SCAF1: variants seen among roughly 807,000 people sequenced by gnomAD.
SCAF1 encodes SR-related CTD associated factor 1, also known as splicing factor, arginine/serine-rich 19.
In SCAF1, 28 loss-of-function variants were observed where a neutral mutation model predicts 91.2. The ratio of observed to expected loss-of-function variants is 0.31; its 90% confidence interval spans 0.23 to 0.42. SCAF1 has a LOEUF of 0.42. SCAF1 is among the 10% of genes least tolerant of loss of function. SCAF1 has a pLI of 1.00. For missense variants in SCAF1, 1,893 were observed against 1,872.1 expected (o/e 1.01, Z -0.21); for synonymous variants, 1,036 against 833.7 (o/e 1.24, Z -4.18).
chr19:49,644,599 T>C (rs2081044001), intron 1 of SCAF1, among the ~76,000 whole-genome samples: 1 of 152,206 alleles, frequency 6.6e-6, no homozygotes, highest in African/African-American at 2.4e-5. Flanking sequence ...GGTGGGTTTA[T>C]AGGACTGTGG....
chr19:49,658,458 C>T lies in SCAF1; in HGVS notation c.*59C>T, dbSNP rs1037897465. The T allele has an allele frequency of 3.6e-6, 3 of 843,694 alleles. No homozygotes were observed. The highest frequency in any genetic ancestry group is 3.4e-5 in the African/African-American group (2 of 58,368). 52.3% of individuals were successfully genotyped at this position (843,694 alleles called of 1,614,324 possible). A position where few individuals can be genotyped will look rare whatever the true frequency, so the allele number is the denominator to read the frequency against. On this transcript the variant is annotated 3_prime_UTR_variant, in exon 11 of 11. Coordinates refer to ENST00000360565, the MANE Select transcript of SCAF1 (RefSeq NM_021228.3). ...TGAAACTCTGGACGTATTTATGGCT[C>T]CACCTCCCCACCTCCCTCCCCCGTC...
At chr19:49,656,767 G>A (rs1237932535) in intron 9 of SCAF1, among the ~76,000 whole-genome samples, 1 of 152,142 alleles carries the variant, frequency 6.6e-6, no homozygotes, top group East Asian at 1.9e-4. Flanking sequence ...CAGCTCCCCT[G>A]GATTGAGTCT....
In SCAF1 at chr19:49,651,509, G is replaced by A. The variant is rs957126523; in HGVS notation, c.1120G>A (p.Ala374Thr). 1.9e-6 allele frequency: 3 copies of A among 1,572,908 alleles called. No individual in the cohort carries two copies. The highest frequency in any genetic ancestry group is 2.7e-5 in the African/African-American group (2 of 74,108). ...CAAGGTCTCGGTGGAGGTGGTGACC[G>A]CTGGTGGAGCCGCCCTCCCGCCGCC... ...EGKVSVEVVT[A>T]GGAALPPPLL... Residue 374 changes from alanine (A) to threonine (T), a missense_variant, in exon 7 of 11, where the codon GCT becomes ACT. Ala to Thr is a moderately conservative substitution (Grantham distance 58). Coordinates refer to ENST00000360565, the MANE Select transcript of SCAF1 (RefSeq NM_021228.3).
At chr19:49,648,294 T>C (rs1464216340) in intron 6 of SCAF1, among the ~76,000 whole-genome samples, 1 of 152,012 alleles carries the variant, frequency 6.6e-6, no homozygotes, top group Non-Finnish European at 1.5e-5. Flanking sequence ...GTATTTTTAG[T>C]AGAGGTAGGG....
Position 49,653,261 on chromosome 19 carries a change from G to C in SCAF1, c.2872G>C (p.Gly958Arg). Reference protein sequence around the residue: ...DSCSQAAGTKGAEETSWSGEE... With the variant: ...DSCSQAAGTKRAEETSWSGEE... ...CTGCAGCCAGGCGGCAGGCACCAAG[G>C]GGGCGGAGGAGACTTCCTGGTCCGG... The change falls in exon 7 of 11, where the codon GGG (glycine) becomes CGG (arginine). Residue 958 changes from glycine to arginine, a missense_variant. By Grantham distance (125) the Gly-to-Arg change is moderately radical. This residue lies in a region of SCAF1 where 1,436 missense variants were observed against 1,306.8 expected (regional missense o/e 1.10). Transcript: ENST00000360565. 2.7e-6 allele frequency: 4 copies of C among 1,482,630 alleles called. No homozygotes were observed. Among genetic ancestry groups the C allele is most frequent in the Non-Finnish European group, 3.6e-6 (4 of 1,114,838 alleles). 91.8% of individuals were successfully genotyped at this position (1,482,630 alleles called of 1,614,324 possible).
intron 6 of SCAF1, among the ~76,000 whole-genome samples, chr19:49,648,887 C>T (rs982491552): frequency 2.0e-5 from 3 of 150,474 alleles, no homozygotes; most frequent in Middle Eastern, 3.2e-3. Context: ...AGGAGAATTG[C>T]TTGAACCAGG....
Position 49,658,599 on chromosome 19 carries a change from T to C in SCAF1, c.*200T>C. 1.7e-6 allele frequency: 1 copy of C among 598,672 alleles called. No individual in the cohort carries two copies. The highest frequency in any genetic ancestry group is 3.0e-6 in the Non-Finnish European group (1 of 337,792). The allele number at this position is 598,672 out of a possible 1,614,324, so 37.1% of individuals were successfully genotyped here. ...GTCCCCAGTGCCCCTCCCTTCTGTT[T>C]GTGCCCCTCTCCCCAATTTCATTAA... On this transcript the variant is annotated 3_prime_UTR_variant, in exon 11 of 11. Coordinates refer to ENST00000360565, the MANE Select transcript of SCAF1 (RefSeq NM_021228.3).
Position 49,653,137 on chromosome 19 carries a change from A to G in SCAF1, c.2748A>G (p.Gly916=), listed in dbSNP as rs759520276. The G allele has an allele frequency of 6.2e-5, 100 of 1,610,126 alleles. No individual in the cohort carries two copies. Among genetic ancestry groups the G allele is most frequent in the Non-Finnish European group, 7.8e-5 (92 of 1,178,372 alleles). Residue 916 remains glycine, a synonymous_variant, in exon 7 of 11, where the codon GGA becomes GGG. Transcript: ENST00000360565. ...AGAKKTKGTK[G]KTKPSKTRKK... ...CCAAGAAAACCAAGGGGACCAAGGG[A>G]AAGACCAAGCCATCCAAGACCAGGA...
Position 49,651,623 on chromosome 19 carries a change from C to T in SCAF1, c.1234C>T (p.Pro412Ser). ...CAGGCTGGCGCTGTCCCTCTTCCGC[C>T]CCGGCGGCCGGGCCGCCCGGCCTAC... The part of the protein sequence containing the change: ...EPRLALSLFR[P>S]GGRAARPTPA... The change falls in exon 7 of 11, where the codon CCC (proline) becomes TCC (serine). Residue 412 changes from proline to serine, a missense_variant. This residue lies in a region of SCAF1 where 1,436 missense variants were observed against 1,306.8 expected (regional missense o/e 1.10). Coordinates refer to ENST00000360565, the MANE Select transcript of SCAF1 (RefSeq NM_021228.3). 1 of 1,460,994 alleles carries T rather than the reference C, an allele frequency of 6.8e-7. No individual in the cohort carries two copies. 90.5% of individuals were successfully genotyped at this position (1,460,994 alleles called of 1,614,324 possible). A position where few individuals can be genotyped will look rare whatever the true frequency, so the allele number is the denominator to read the frequency against.
chr19:49,651,887 T>C lies in SCAF1; in HGVS notation c.1498T>C (p.Ser500Pro), dbSNP rs959498539. ...RRERYRQRSP[S>P]PAPAPAPAAA... is the part of the protein sequence containing the mutation. ...GGAGCGCTACCGCCAGCGCTCGCCC[T>C]CCCCGGCGCCCGCGCCCGCCCCGGC... The change falls in exon 7 of 11, where the codon TCC becomes CCC. Residue 500 changes from serine (S) to proline (P), a missense_variant. Ser to Pro is a moderately conservative substitution (Grantham distance 74). Coordinates refer to ENST00000360565, the MANE Select transcript of SCAF1 (RefSeq NM_021228.3). The C allele has an allele frequency of 3.4e-6, 4 of 1,190,258 alleles. No homozygotes were observed. The highest frequency in any genetic ancestry group is 5.0e-5 in the East Asian group (1 of 20,104). 73.7% of individuals were successfully genotyped at this position (1,190,258 alleles called of 1,614,324 possible).
At chr19:49,643,591 G>A (rs2081038961) in intron 1 of SCAF1, among the ~76,000 whole-genome samples, 1 of 152,166 alleles carries the variant, frequency 6.6e-6, no homozygotes, top group Non-Finnish European at 1.5e-5. Context: ...GCGAAGCCTG[G>A]TGCTTTCTAA....
rs981254011 is a variant in SCAF1 at position 49,653,266 on chromosome 19, G to A, written c.2877G>A (p.Ala959=). The A allele has an allele frequency of 1.6e-5, 24 of 1,481,790 alleles. No individual in the cohort carries two copies. The highest frequency in any genetic ancestry group is 2.0e-5 in the Non-Finnish European group (22 of 1,114,614). The allele number at this position is 1,481,790 out of a possible 1,614,324, so 91.8% of individuals were successfully genotyped here. Residue 959 remains alanine (A), a synonymous_variant, in exon 7 of 11, where the codon GCG becomes GCA. Transcript: ENST00000360565. ...GCCAGGCGGCAGGCACCAAGGGGGC[G>A]GAGGAGACTTCCTGGTCCGGGGAGG... is the stretch of plus-strand genomic sequence containing the variant. ...SCSQAAGTKG[A]EETSWSGEER...
Position 49,645,004 on chromosome 19 carries a change from C to A in SCAF1, c.-6-17C>A, listed in dbSNP as rs73060070. The A allele has an allele frequency of 0.12, 190,409 of 1,590,234 alleles. 12,368 individuals carry two copies. The highest frequency in any genetic ancestry group is 0.19 in the Middle Eastern group (1,114 of 6,012). On this transcript the variant is annotated splice_polypyrimidine_tract_variant and intron_variant, in intron 1 of 10. Transcript: ENST00000360565. This position sits in a 1 kb window ranked among gnomAD's most constrained non-coding sequence, Gnocchi z 4.6. ...TCCCGGGACCTCCACTCCAAACTCT[C>A]CCCCCTGGACCCCCAGGTGACCATG...
chr19:49,657,568 C>T lies in SCAF1; in HGVS notation c.3619-193C>T, dbSNP rs923675673. Among the ~76,000 whole-genome samples, 9 of 152,308 alleles carry T rather than the reference C, an allele frequency of 5.9e-5. No individual in the cohort carries two copies. The East Asian group carries it at 1.7e-3, about 29-fold the overall frequency. Reference sequence around the variant, plus strand: ...GGAGATGTTCAGTGACATGCAGAGGCCCAGGCCTGGCCTTTGGTCCCGGGC... The same window carrying T: ...GGAGATGTTCAGTGACATGCAGAGGTCCAGGCCTGGCCTTTGGTCCCGGGC... On this transcript the variant is annotated intron_variant, in intron 9 of 10. Transcript: ENST00000360565.
Position 49,652,910 on chromosome 19 carries a change from A to T in SCAF1, c.2521A>T (p.Ile841Phe), listed in dbSNP as rs371263226. 2.7e-4 allele frequency: 438 copies of T among 1,613,756 alleles called. 1 individual carries two copies. The highest frequency in any genetic ancestry group is 3.4e-4 in the Non-Finnish European group (407 of 1,179,984). ...VKLQSKVAVL[I>F]REGVSSTTPA... ...GCTGCAGTCCAAGGTGGCGGTGCTG[A>T]TCCGCGAGGGTGTCAGCAGCACCAC... The change falls in exon 7 of 11, where the codon ATC becomes TTC. Residue 841 changes from isoleucine (I) to phenylalanine (F), a missense_variant. Around this residue, in one of 5 missense-constraint regions of SCAF1, gnomAD observed 1,436 missense variants for 1,306.8 expected, o/e 1.10. Transcript: ENST00000360565.
In SCAF1 at chr19:49,646,510, C is replaced by T. The variant is rs934589165; in HGVS notation, c.262-16C>T. 1 of 1,611,356 alleles carries T rather than the reference C, an allele frequency of 6.2e-7. No homozygotes were observed. The highest frequency in any genetic ancestry group is 1.3e-5 in the African/African-American group (1 of 74,866). On this transcript the variant is annotated splice_polypyrimidine_tract_variant and intron_variant, in intron 4 of 10. Transcript: ENST00000360565. This position sits in a 1 kb window ranked among gnomAD's most constrained non-coding sequence, Gnocchi z 5.6. The stretch of plus-strand genomic sequence containing the variant: ...TGTGACCAGGGACGGCGTAGAGCCT[C>T]TCTGGCCTCTTCCAGGTGTTGGACA...
chr19:49,653,006 C>T lies in SCAF1; in HGVS notation c.2617C>T (p.Arg873Cys), dbSNP rs1413625348. 1.9e-6 allele frequency: 3 copies of T among 1,613,866 alleles called. No homozygotes were observed. In the African/African-American group the frequency reaches 4.0e-5, roughly 22 times the overall value. ...GVKFSRDRES[R>C]SPFLKPDERA... ...CAAATTCAGCCGTGACCGCGAGAGT[C>T]GCTCCCCCTTCCTCAAACCTGACGA... The change falls in exon 7 of 11, where the codon CGC (arginine) becomes TGC (cysteine). Residue 873 changes from arginine to cysteine, a missense_variant. Physicochemically the swap from Arg to Cys is radical, Grantham distance 180. Transcript: ENST00000360565.
upstream of SCAF1, among the ~76,000 whole-genome samples, chr19:49,640,526 G>C (rs2081020963): frequency 6.6e-6 from 1 of 152,204 alleles, no homozygotes; most frequent in South Asian, 2.1e-4. Context: ...CCTTAGTATG[G>C]TAGGCGGAGC....
Position 49,645,226 on chromosome 19 carries a change from G to A in SCAF1, c.108+92G>A. On this transcript the variant is annotated intron_variant, in intron 2 of 10. Coordinates refer to ENST00000360565, the MANE Select transcript of SCAF1 (RefSeq NM_021228.3). This position sits in a 1 kb window ranked among gnomAD's most constrained non-coding sequence, Gnocchi z 4.6. ...CTCCAGGGCCTGAGGCAGGGGCGCTGGACTCTTGGCTCCCTTGAAGCACTT... is the reference window on the plus strand; with the variant it reads ...CTCCAGGGCCTGAGGCAGGGGCGCTAGACTCTTGGCTCCCTTGAAGCACTT... 3 of 1,488,066 alleles carry A rather than the reference G, an allele frequency of 2.0e-6. No individual in the cohort carries two copies. The highest frequency in any genetic ancestry group is 2.3e-5 in the East Asian group (1 of 44,088). 92.2% of individuals were successfully genotyped at this position (1,488,066 alleles called of 1,614,324 possible).
Sources: gnomAD v4.1 joint callset for allele counts (sites outside exome capture counted in the v4.1 genomes callset) on GRCh38, gnomAD v4.1.1 for gene constraint, gnomAD v4.1.1 regional missense constraint, Gnocchi (gnomAD v3.1) non-coding constraint, MANE v1.5 for transcripts, NCBI Gene and HGNC (gene_info 2026-07-23, HGNC 2026-07-21) for gene names.